Variants in GLUD1 observed in about 807,000 individuals in gnomAD.
GLUD1 encodes the protein glutamate dehydrogenase 1, mitochondrial.
Under a neutral mutation model 56.0 loss-of-function variants are expected in GLUD1, and 22 were observed. The observed-to-expected ratio is 0.39, with a 90% confidence interval of 0.28 to 0.56. The LOEUF (loss-of-function observed/expected upper bound fraction) is 0.56, where lower values mean the gene tolerates loss of function less well. Ranked by LOEUF, GLUD1 falls within the 20% of genes least tolerant of loss-of-function variation. The pLI is 0.58. For missense variants in GLUD1, 451 were observed against 732.0 expected, an observed-to-expected ratio of 0.62 and a Z score of 4.43; for synonymous variants, 223 against 269.9, an observed-to-expected ratio of 0.83 and a Z score of 1.70.
At chr10:87,087,367 G>A (rs1221052809) in intron 1 of GLUD1, among the ~76,000 whole-genome samples, 3 of 152,140 alleles carry the variant, frequency 2.0e-5, no homozygotes, top group Non-Finnish European at 4.4e-5. Context: ...TTTGTATAGA[G>A]GTTCCATTAT....
At chr10:87,084,581 A>G (rs552136986) in intron 1 of GLUD1, among the ~76,000 whole-genome samples, 4 of 152,304 alleles carry the variant, frequency 2.6e-5, no homozygotes, top group Non-Finnish European at 5.9e-5. Flanking sequence ...GCCTCCAGCT[A>G]GTCACTGTTT....
At chr10:87,092,981 A>C (rs1165272116) in intron 1 of GLUD1, among the ~76,000 whole-genome samples, 2 of 152,234 alleles carry the variant, frequency 1.3e-5, no homozygotes, top group Non-Finnish European at 2.9e-5. Flanking sequence ...CTAGAAAGGA[A>C]ATCAGAGGTC....
intron 4 of GLUD1, among the ~76,000 whole-genome samples, chr10:87,073,610 CTTTTTTTTT>C (rs71019462): frequency 3.1e-4 from 23 of 74,166 alleles, no homozygotes; most frequent in Admixed American, 3.1e-3. Context: ...AATTAACATT[CTTTTTTTTT>C]TTTTTTTTTT....
chr10:87,051,883 AGAAAATGCAGT>A lies in GLUD1; in HGVS notation c.1558-24_1558-14del. ...TGCGCATAATTTGCTGAAATGAAAGAGAAAATGCAGTGAAGATGATCCTGACTCAAGTGGCC... is the reference window on the plus strand; with the variant it reads ...TGCGCATAATTTGCTGAAATGAAAGAGAAGATGATCCTGACTCAAGTGGCC... On this transcript the variant is annotated splice_polypyrimidine_tract_variant and intron_variant, in intron 12 of 12. Coordinates refer to ENST00000277865, the MANE Select transcript of GLUD1 (RefSeq NM_005271.5). 6.2e-7 allele frequency: 1 copy of A among 1,614,134 alleles called. No homozygotes were observed. The highest frequency in any genetic ancestry group is 8.5e-7 in the Non-Finnish European group (1 of 1,179,980).
rs879109174 is a variant in GLUD1 at position 87,057,895 on chromosome 10, G to A, written c.1403-113C>T. ...TAACCCAAAAACTTATACAGACAGA[G>A]TCGTGGTCTGTCACCCAGGCTGGAG... On this transcript the variant is annotated intron_variant, in intron 10 of 12. Coordinates refer to ENST00000277865, the MANE Select transcript of GLUD1 (RefSeq NM_005271.5). 3.3e-5 allele frequency: 22 copies of A among 674,660 alleles called. No individual in the cohort carries two copies. In the South Asian group the frequency reaches 3.4e-4, roughly 10 times the overall value. 41.8% of individuals were successfully genotyped at this position (674,660 alleles called of 1,614,324 possible).
chr10:87,060,918 T>C lies in GLUD1; in HGVS notation c.1056A>G (p.Lys352=). The C allele has an allele frequency of 1.2e-6, 2 of 1,614,112 alleles. No homozygotes were observed. The highest frequency in any genetic ancestry group is 1.7e-6 in the Non-Finnish European group (2 of 1,179,956). ...GIDPKELEDF[K]LQHGSILGFP... ...TGCTATAAAAATGTATTAATACCAA[T>C]TTGAAGTCTTCCAGTTCCTTTGGGT... The change falls in exon 7 of 13, where the codon AAA becomes AAG. Residue 352 remains lysine (K), a synonymous_variant. Coordinates refer to ENST00000277865, the MANE Select transcript of GLUD1 (RefSeq NM_005271.5).
chr10:87,063,407 G>A (rs1046796253), intron 5 of GLUD1, among the ~76,000 whole-genome samples: 3 of 152,156 alleles, frequency 2.0e-5, no homozygotes, highest in African/African-American at 4.8e-5. Context: ...AAAAACAAGA[G>A]TGTAGGGATT....
chr10:87,093,342 G>C (rs1277388354), intron 1 of GLUD1, among the ~76,000 whole-genome samples: 3 of 152,104 alleles, frequency 2.0e-5, no homozygotes, highest in Non-Finnish European at 2.9e-5. Flanking sequence ...TTTTACAGTA[G>C]ACAAAAGTGG....
At chr10:87,054,383 T>A (rs1306091286) in intron 11 of GLUD1, among the ~76,000 whole-genome samples, 1 of 151,780 alleles carries the variant, frequency 6.6e-6, no homozygotes, top group African/African-American at 2.4e-5. Flanking sequence ...GAGTGAAGAG[T>A]TGAAGAGATA....
In GLUD1 at chr10:87,076,666, T is replaced by G; in HGVS notation, c.446-10A>C. 1 of 1,564,378 alleles carries G rather than the reference T, an allele frequency of 6.4e-7. No homozygotes were observed. ...GTGCTGTAACGGATACCTGGTGGTGTTTTTAAAAAAATGTGTTGGGGTGGG... is the reference window on the plus strand; with the variant it reads ...GTGCTGTAACGGATACCTGGTGGTGGTTTTAAAAAAATGTGTTGGGGTGGG... On this transcript the variant is annotated splice_polypyrimidine_tract_variant and intron_variant, in intron 1 of 12. Transcript: ENST00000277865.
At chr10:87,060,292 C>T in intron 8 of GLUD1, 51 bp from the exon 9 acceptor site, 2 of 1,198,512 alleles carry the variant, frequency 1.7e-6, no homozygotes, top group Non-Finnish European at 2.5e-6. Flanking sequence ...CGTCAAATCC[C>T]CTCCACTGAG....
In GLUD1 at chr10:87,050,304, G is replaced by A. The variant is rs1320919767; in HGVS notation, c.*1447C>T. On this transcript the variant is annotated 3_prime_UTR_variant, in exon 13 of 13. Transcript: ENST00000277865. Reference sequence around the variant, plus strand: ...CGTTACTCGGGAAGTTTCTCTGAACGTGTAAAGCACCGAACAAAAAAAAAA... The same window carrying A: ...CGTTACTCGGGAAGTTTCTCTGAACATGTAAAGCACCGAACAAAAAAAAAA... Among the ~76,000 whole-genome samples, 3 of 149,934 alleles carry A rather than the reference G, an allele frequency of 2.0e-5. No homozygotes were observed. The highest frequency in any genetic ancestry group is 7.4e-5 in the African/African-American group (3 of 40,586).
chr10:87,059,022 A>G (rs1048411339), intron 10 of GLUD1, 128 bp downstream of exon 10: 3 of 1,127,982 alleles, frequency 2.7e-6, no homozygotes, highest in Non-Finnish European at 4.0e-6. Flanking sequence ...TTCATGAGAC[A>G]AAATATTATT....
At chr10:87,093,539 T>G (rs1333059172) in intron 1 of GLUD1, among the ~76,000 whole-genome samples, 2 of 152,178 alleles carry the variant, frequency 1.3e-5, no homozygotes, top group Non-Finnish European at 2.9e-5. Context: ...ACGTACTATA[T>G]TTTTCCTGAA....
chr10:87,060,090 C>A (rs1036270884), intron 9 of GLUD1, 71 bp downstream of exon 9: 2 of 994,584 alleles, frequency 2.0e-6, no homozygotes, highest in Middle Eastern at 2.0e-4. Flanking sequence ...TCCTCTCTTC[C>A]TCCAAATTCC....
At chr10:87,075,838 C>A in intron 3 of GLUD1, 130 bp downstream of exon 3, 1 of 717,430 alleles carries the variant, frequency 1.4e-6, no homozygotes, top group Non-Finnish European at 2.5e-6. Context: ...TGCTTGAACC[C>A]GGGAGGCGGA....
rs539945918 is a variant in GLUD1, at chr10:87,051,526, G to A, written c.*225C>T. On this transcript the variant is annotated 3_prime_UTR_variant, in exon 13 of 13. Coordinates refer to ENST00000277865, the MANE Select transcript of GLUD1 (RefSeq NM_005271.5). ...TATTTAAAGGCAAAATACCAAAATG[G>A]CTCTCTGGTGTAGGTGATTTCTACT... The A allele has an allele frequency of 3.5e-5, 21 of 608,572 alleles. No homozygotes were observed. Among genetic ancestry groups the A allele is most frequent in the African/African-American group, 3.0e-4 (16 of 53,958 alleles). The allele number at this position is 608,572 out of a possible 1,614,324, so 37.7% of individuals were successfully genotyped here.
intron 1 of GLUD1, among the ~76,000 whole-genome samples, chr10:87,076,983 G>C (rs1846413021): frequency 6.6e-6 from 1 of 152,094 alleles, no homozygotes; most frequent in African/African-American, 2.4e-5. Flanking sequence ...CCTGGTTGCA[G>C]GGAGTTCAAG....
intron 1 of GLUD1, 96 bp from the exon 2 acceptor site, chr10:87,076,752 A>G: frequency 1.3e-6 from 1 of 797,890 alleles, no homozygotes; most frequent in Non-Finnish European, 2.3e-6. Flanking sequence ...GAAAGCTACA[A>G]ATTGAAAATA....
Sources: gnomAD v4.1 joint callset for allele counts (sites outside exome capture counted in the v4.1 genomes callset) on GRCh38, gnomAD v4.1.1 for gene constraint, MANE v1.5 for transcripts, NCBI Gene and HGNC (gene_info 2026-07-23, HGNC 2026-07-21) for gene names.